The following HIBADH variants were observed in gnomAD, a reference collection of about 807,000 sequenced individuals.
HIBADH encodes 3-hydroxyisobutyrate dehydrogenase.
In HIBADH, 25 loss-of-function variants were observed where a neutral mutation model predicts 36.1. That is an observed-to-expected ratio of 0.69 (90% CI 0.50 to 0.97). The LOEUF is 0.97. HIBADH is among the 50% of genes least tolerant of loss of function. The pLI, the probability that HIBADH is intolerant of heterozygous loss-of-function variation, is 0.00. For synonymous variants in HIBADH, 160 were observed against 149.5 expected, an observed-to-expected ratio of 1.07 and a Z score of -0.51; for missense variants, 421 against 418.0, an observed-to-expected ratio of 1.01 and a Z score of -0.06.
intron 2 of HIBADH, chr7:27,647,814 G>C: frequency 3.7e-6 from 1 of 270,784 alleles, no homozygotes; most frequent in South Asian, 4.0e-5. Flanking sequence ...TCACAAAGCA[G>C]TGATGATCAT....
intron 4 of HIBADH, among the ~76,000 whole-genome samples, chr7:27,626,002 T>C (rs1415733669): frequency 6.8e-6 from 1 of 147,064 alleles, no homozygotes; most frequent in East Asian, 2.1e-4. Context: ...CTCGGGAGGC[T>C]GAGGCAGGGA....
intron 4 of HIBADH, among the ~76,000 whole-genome samples, chr7:27,598,370 A>ATGTT (rs1785065904): frequency 6.6e-6 from 1 of 152,188 alleles, no homozygotes; most frequent in Non-Finnish European, 1.5e-5. Context: ...ATGAAGAAAA[A>ATGTT]TGTTTGACTA....
At chr7:27,647,994 T>C (rs566174869) in intron 2 of HIBADH, among the ~76,000 whole-genome samples, 3 of 152,344 alleles carry the variant, frequency 2.0e-5, no homozygotes, top group East Asian at 3.9e-4. Context: ...ATTGAAGATA[T>C]TTCCTCTGTT....
intron 6 of HIBADH, among the ~76,000 whole-genome samples, chr7:27,535,111 T>C (rs1434973744): frequency 6.6e-6 from 1 of 150,938 alleles, no homozygotes; most frequent in Non-Finnish European, 1.5e-5. Context: ...GATAAGTGAA[T>C]GATTTGGATT....
At chr7:27,654,877 A>G (rs749828102) in intron 1 of HIBADH, among the ~76,000 whole-genome samples, 4 of 151,864 alleles carry the variant, frequency 2.6e-5, no homozygotes, top group Non-Finnish European at 5.9e-5. Flanking sequence ...TGTAGAGATG[A>G]GGTTTCATCA....
chr7:27,625,579 A>G (rs1314120335), intron 4 of HIBADH, among the ~76,000 whole-genome samples: 1 of 152,184 alleles, frequency 6.6e-6, no homozygotes, highest in Non-Finnish European at 1.5e-5. Context: ...CTTCAAAGGT[A>G]ATAAATAGCA....
intron 4 of HIBADH, among the ~76,000 whole-genome samples, chr7:27,628,878 T>C (rs1219094839): frequency 1.3e-5 from 2 of 152,232 alleles, no homozygotes; most frequent in East Asian, 1.9e-4. Flanking sequence ...ACAGAATGAA[T>C]TGGGAAGTAT....
At chr7:27,609,250 C>T (rs920424808) in intron 4 of HIBADH, among the ~76,000 whole-genome samples, 1 of 152,130 alleles carries the variant, frequency 6.6e-6, no homozygotes, top group Non-Finnish European at 1.5e-5. Flanking sequence ...GGCAGTGAGT[C>T]ACCAGTCTTC....
chr7:27,565,340 T>G lies in HIBADH; in HGVS notation c.485-22240A>C, dbSNP rs114412263. 2.9e-3 allele frequency among the ~76,000 whole-genome samples: 447 copies of G among 152,262 alleles called. 1 individual carries two copies. The highest frequency in any genetic ancestry group is 0.01 in the African/African-American group (427 of 41,564). ...ACCCTGATGCATCCCCATATGGCCT[T>G]GTGTGGTGTGACACGGCCCCTCCTC... On this transcript the variant is annotated intron_variant, in intron 4 of 7. Coordinates refer to ENST00000265395, the MANE Select transcript of HIBADH (RefSeq NM_152740.4).
At chr7:27,578,940 A>T (rs573593011) in intron 4 of HIBADH, among the ~76,000 whole-genome samples, 1 of 152,344 alleles carries the variant, frequency 6.6e-6, no homozygotes, top group East Asian at 1.9e-4. Flanking sequence ...ATAATCAGAC[A>T]AATCAAGAAT....
chr7:27,563,738 C>T (rs1275265532), intron 4 of HIBADH, among the ~76,000 whole-genome samples: 5 of 151,976 alleles, frequency 3.3e-5, no homozygotes, highest in Non-Finnish European at 7.4e-5. Flanking sequence ...TGCTCATTTT[C>T]TAATTGAGTT....
At chr7:27,615,065 G>A (rs189516768) in intron 4 of HIBADH, among the ~76,000 whole-genome samples, 4 of 152,312 alleles carry the variant, frequency 2.6e-5, no homozygotes, top group Admixed American at 2.6e-4. Context: ...AATAGCCTCT[G>A]AGGACTAGGA....
At chr7:27,539,930 C>CT (rs1292602717) in intron 5 of HIBADH, among the ~76,000 whole-genome samples, 2 of 151,734 alleles carry the variant, frequency 1.3e-5, no homozygotes, top group Non-Finnish European at 2.9e-5. Context: ...AGTGGATCAT[C>CT]ATAAAGGTCT....
intron 4 of HIBADH, among the ~76,000 whole-genome samples, chr7:27,614,619 A>G (rs951619869): frequency 7.9e-5 from 12 of 152,358 alleles, no homozygotes; most frequent in African/African-American, 2.6e-4. Flanking sequence ...TTGCAATAGC[A>G]TGGATTTCAT....
chr7:27,657,949 ATTAG>A (rs1339289959), intron 1 of HIBADH, among the ~76,000 whole-genome samples: 1 of 152,180 alleles, frequency 6.6e-6, no homozygotes, highest in African/African-American at 2.4e-5. Context: ...GATAATAAGT[ATTAG>A]TTACTCTTAC....
At chr7:27,607,370 A>T (rs1001857483) in intron 4 of HIBADH, among the ~76,000 whole-genome samples, 1 of 152,164 alleles carries the variant, frequency 6.6e-6, no homozygotes, top group Non-Finnish European at 1.5e-5. Flanking sequence ...TTAGCCGGGC[A>T]TGGTAGCTCA....
intron 3 of HIBADH, 109 bp downstream of exon 3, chr7:27,632,227 A>C: frequency 1.4e-6 from 1 of 719,438 alleles, no homozygotes; most frequent in Non-Finnish European, 2.3e-6. Flanking sequence ...TGAAATAAAA[A>C]CAGTATAGAA....
intron 4 of HIBADH, among the ~76,000 whole-genome samples, chr7:27,590,288 A>C (rs913925987): frequency 7.2e-5 from 11 of 152,206 alleles, no homozygotes; most frequent in African/African-American, 2.4e-4. Flanking sequence ...AAAGTCACAC[A>C]ACAGATAGAG....
chr7:27,630,761 T>C (rs1445367093), intron 3 of HIBADH, among the ~76,000 whole-genome samples: 1 of 151,990 alleles, frequency 6.6e-6, no homozygotes, highest in East Asian at 1.9e-4. Flanking sequence ...AAAATATACA[T>C]ATTAAAAATT....
Sources: allele counts gnomAD v4.1 joint callset (sites outside exome capture counted in the v4.1 genomes callset), GRCh38; gene constraint gnomAD v4.1.1; transcripts MANE v1.5; gene names NCBI Gene and HGNC (gene_info 2026-07-23, HGNC 2026-07-21).